The following TPRG1 variants were observed in gnomAD, a reference collection of about 807,000 sequenced individuals.
The protein encoded by TPRG1 is tumor protein p63 regulated 1.
A neutral mutation model predicts 29.3 loss-of-function variants in TPRG1; 29 were observed. That is an observed-to-expected ratio of 0.99 (90% CI 0.74 to 1.35). The LOEUF (loss-of-function observed/expected upper bound fraction) is 1.35, where lower values mean the gene tolerates loss of function less well. TPRG1 is among the 40% of genes most tolerant of loss of function. The pLI, the probability that TPRG1 is intolerant of heterozygous loss-of-function variation, is 0.00. For synonymous variants in TPRG1, 130 were observed against 116.8 expected, an observed-to-expected ratio of 1.11 and a Z score of -0.73; for missense variants, 327 against 335.0, an observed-to-expected ratio of 0.98 and a Z score of 0.19.
chr3:189,321,246 TG>T lies in TPRG1; in HGVS notation c.*427del, dbSNP rs1724292741. 1 of 150,014 alleles carries T rather than the reference TG, an allele frequency of 6.7e-6. No homozygotes were observed. Among genetic ancestry groups the T allele is most frequent in the African/African-American group, 2.4e-5 (1 of 40,924 alleles). The allele number at this position is 150,014 out of a possible 1,614,324, so 9.3% of individuals were successfully genotyped here. A position where few individuals can be genotyped will look rare whatever the true frequency, so the allele number is the denominator to read the frequency against. ...TGTCTCTAGTATTTTAGCTACCACT[TG>T]ATAAGGATGACTTCCAAATTTATAT... On this transcript the variant is annotated 3_prime_UTR_variant, in exon 6 of 6. Coordinates refer to ENST00000345063, the MANE Select transcript of TPRG1 (RefSeq NM_198485.4).
At chr3:189,071,957 G>C (rs9812357) in intron 4 of TPRG1, among the ~76,000 whole-genome samples, 25,814 of 152,124 alleles carry the variant, frequency 0.17, 4,128 homozygotes, top group African/African-American at 0.43. Flanking sequence ...TATCATCTCT[G>C]TCCTTCTTGG....
chr3:189,219,959 G>A (rs577846723), intron 3 of TPRG1, among the ~76,000 whole-genome samples: 2 of 152,196 alleles, frequency 1.3e-5, no homozygotes, highest in Non-Finnish European at 2.9e-5. Flanking sequence ...CATATAGACG[G>A]TAGAATCAAA....
At chr3:189,224,254 G>A (rs1208087267) in intron 3 of TPRG1, among the ~76,000 whole-genome samples, 1 of 152,196 alleles carries the variant, frequency 6.6e-6, no homozygotes, top group Admixed American at 6.5e-5. Context: ...AGGCGAAAGC[G>A]GGTGGATCAC....
chr3:189,202,606 T>A (rs548207025), intron 1 of TPRG1, among the ~76,000 whole-genome samples: 1 of 152,328 alleles, frequency 6.6e-6, no homozygotes, highest in South Asian at 2.1e-4. Context: ...AACTTTTAAA[T>A]TTGTGACCCT....
intron 4 of TPRG1, among the ~76,000 whole-genome samples, chr3:189,067,769 A>G (rs963438679): frequency 6.6e-6 from 1 of 152,240 alleles, no homozygotes; most frequent in African/African-American, 2.4e-5. Flanking sequence ...CTGGGCAAAG[A>G]TTTCTTGAGT....
chr3:188,998,477 T>G (rs1711896331), intron 1 of TPRG1, among the ~76,000 whole-genome samples: 1 of 152,226 alleles, frequency 6.6e-6, no homozygotes, highest in South Asian at 2.1e-4. Context: ...CACAGCATGC[T>G]AGAGTTTTGT....
At chr3:189,180,202 G>C (rs1162676397) in intron 1 of TPRG1, among the ~76,000 whole-genome samples, 1 of 152,164 alleles carries the variant, frequency 6.6e-6, no homozygotes, top group Non-Finnish European at 1.5e-5. Flanking sequence ...GGGAATTCAA[G>C]ATGAGATTTG....
intron 4 of TPRG1, among the ~76,000 whole-genome samples, chr3:189,291,818 T>G (rs781257164): frequency 6.6e-6 from 1 of 152,160 alleles, no homozygotes; most frequent in East Asian, 1.9e-4. Flanking sequence ...GACACACCAA[T>G]TGGGAGATGA....
At chr3:189,243,771 G>A (rs1391854520) in intron 4 of TPRG1, among the ~76,000 whole-genome samples, 1 of 152,080 alleles carries the variant, frequency 6.6e-6, no homozygotes, top group Non-Finnish European at 1.5e-5. Flanking sequence ...GATACCTAGG[G>A]CAGAGGCACA....
chr3:189,313,352 A>G (rs1723003021), intron 5 of TPRG1, among the ~76,000 whole-genome samples: 1 of 152,168 alleles, frequency 6.6e-6, no homozygotes, highest in Non-Finnish European at 1.5e-5. Context: ...GAATTTTTTT[A>G]TGTTAATATT....
At chr3:189,232,143 A>T (rs1364114631) in intron 3 of TPRG1, among the ~76,000 whole-genome samples, 1 of 152,212 alleles carries the variant, frequency 6.6e-6, no homozygotes, top group East Asian at 1.9e-4. Flanking sequence ...TCCTTACTAA[A>T]GAGAAAAAGT....
upstream of TPRG1, among the ~76,000 whole-genome samples, chr3:189,169,264 A>G (rs1728516287): frequency 6.6e-6 from 1 of 152,172 alleles, no homozygotes; most frequent in Admixed American, 6.5e-5. Flanking sequence ...TCCTGGGCTT[A>G]AGCGATTCTC....
At position 189,207,532 on chromosome 3, in the gene TPRG1, T is replaced by C. The variant is rs759498378; in HGVS notation, c.148T>C (p.Ser50Pro). 6.2e-7 allele frequency: 1 copy of C among 1,614,042 alleles called. No homozygotes were observed. Among genetic ancestry groups the C allele is most frequent in the South Asian group, 1.1e-5 (1 of 91,082 alleles). The change falls in exon 2 of 6, where the codon TCA becomes CCA. Residue 50 changes from serine (S) to proline (P), a missense_variant. Ser to Pro is a moderately conservative substitution (Grantham distance 74). Coordinates refer to ENST00000345063, the MANE Select transcript of TPRG1 (RefSeq NM_198485.4). ...TTCAAGGCAGTCAAGTGTGACCGAA[T>C]CAACTCTTTACCCCAATCCTTATCA... ...QISRQSSVTE[S>P]TLYPNPYHQP...
chr3:189,206,219 T>C (rs1287972305), intron 1 of TPRG1, among the ~76,000 whole-genome samples: 1 of 151,022 alleles, frequency 6.6e-6, no homozygotes, highest in Non-Finnish European at 1.5e-5. Flanking sequence ...TTTTTTAACT[T>C]ACTTTTTTCC....
chr3:189,236,581 A>G (rs1739483751), intron 3 of TPRG1, among the ~76,000 whole-genome samples: 1 of 152,136 alleles, frequency 6.6e-6, no homozygotes, highest in Non-Finnish European at 1.5e-5. Flanking sequence ...CCAAGACTTA[A>G]ACTTTATGCC....
At chr3:189,073,699 T>C (rs990318181) in intron 4 of TPRG1, among the ~76,000 whole-genome samples, 1 of 152,186 alleles carries the variant, frequency 6.6e-6, no homozygotes, top group Non-Finnish European at 1.5e-5. Flanking sequence ...CATTCTCCCT[T>C]ATTCTTTATA....
At chr3:189,109,295 T>C (rs1291892189) in intron 1 of TPRG1, among the ~76,000 whole-genome samples, 1 of 152,214 alleles carries the variant, frequency 6.6e-6, no homozygotes, top group Non-Finnish European at 1.5e-5. Context: ...AACGACTGTC[T>C]AGTGCGTGTG....
Position 189,109,796 on chromosome 3 carries a change from TTC to T in TPRG1, c.-744+9597_-744+9598del, listed in dbSNP as rs1364301691. Among the ~76,000 whole-genome samples, 6 of 152,240 alleles carry T rather than the reference TTC, an allele frequency of 3.9e-5. No homozygotes were observed. The East Asian group carries it at 7.7e-4, about 20-fold the overall frequency. Reference sequence around the variant, plus strand: ...CCACCACAATCAACATGTAGAACATTTCTCTCACTCCCCTAAATTCTCCAGTG... The same window carrying T: ...CCACCACAATCAACATGTAGAACATTTCTCACTCCCCTAAATTCTCCAGTG... On this transcript the variant is annotated intron_variant, in intron 1 of 6. Coordinates refer to the TPRG1 transcript ENST00000412373.
chr3:189,035,271 T>C (rs1463317591), intron 4 of TPRG1, among the ~76,000 whole-genome samples: 2 of 152,164 alleles, frequency 1.3e-5, no homozygotes, highest in Non-Finnish European at 2.9e-5. Flanking sequence ...CCTTTCACCA[T>C]ATACAAAAAT....
Sources: allele counts gnomAD v4.1 joint callset (sites outside exome capture counted in the v4.1 genomes callset), GRCh38; gene constraint gnomAD v4.1.1; transcripts MANE v1.5; gene names NCBI Gene and HGNC (gene_info 2026-07-23, HGNC 2026-07-21).